Variants in ROBO2 observed in about 807,000 individuals in gnomAD.
ROBO2 encodes roundabout homolog 2.
ROBO2 carries 53 observed loss-of-function variants against 160.8 expected under a neutral mutation model. The observed-to-expected ratio is 0.33, with a 90% CI of 0.26 to 0.41. ROBO2 has a LOEUF of 0.41. ROBO2 is among the 10% of genes least tolerant of loss of function. The pLI, the probability that ROBO2 is intolerant of heterozygous loss-of-function variation, is 1.00. For missense variants in ROBO2, 1,577 were observed against 1,722.4 expected (o/e 0.92, Z 1.49); for synonymous variants, 664 against 611.7 (o/e 1.09, Z -1.26).
intron 2 of ROBO2, among the ~76,000 whole-genome samples, chr3:76,752,277 G>A (rs1027367427): frequency 4.7e-4 from 72 of 151,702 alleles, no homozygotes; most frequent in African/African-American, 1.6e-3. Context: ...ATCACACACC[G>A]GGGCCTGTAG....
intron 2 of ROBO2, among the ~76,000 whole-genome samples, chr3:76,962,467 C>G (rs1001193704): frequency 1.3e-5 from 2 of 151,696 alleles, no homozygotes; most frequent in Admixed American, 6.6e-5. Flanking sequence ...GGAGAAAGCC[C>G]GTTTCTACTA....
At chr3:76,202,029 T>C (rs1166059320) in intron 2 of ROBO2, among the ~76,000 whole-genome samples, 3 of 151,142 alleles carry the variant, frequency 2.0e-5, no homozygotes, top group African/African-American at 4.9e-5. Context: ...ATGGAACAAA[T>C]AGGGAAGCAC....
intron 5 of ROBO2, among the ~76,000 whole-genome samples, chr3:77,509,676 A>T (rs959671970): frequency 1.3e-5 from 2 of 152,038 alleles, no homozygotes; most frequent in African/African-American, 4.8e-5. Flanking sequence ...CAGTGTCTCC[A>T]TTGTGCACAC....
chr3:76,452,872 G>A (rs1209817978), intron 2 of ROBO2, among the ~76,000 whole-genome samples: 4 of 151,558 alleles, frequency 2.6e-5, no homozygotes, highest in East Asian at 1.9e-4. Context: ...CCATTCTAAC[G>A]GGTGTGAGAT....
chr3:77,215,144 A>G (rs940126829), intron 2 of ROBO2, among the ~76,000 whole-genome samples: 26 of 152,166 alleles, frequency 1.7e-4, no homozygotes, highest in African/African-American at 5.5e-4. Flanking sequence ...TGGGTTGGGG[A>G]AGTTCTCCTG....
intron 2 of ROBO2, among the ~76,000 whole-genome samples, chr3:77,152,233 C>A (rs1044804607): frequency 6.6e-6 from 1 of 151,892 alleles, no homozygotes; most frequent in African/African-American, 2.4e-5. Flanking sequence ...AACGGAAGTA[C>A]AATGTAAGCC....
intron 5 of ROBO2, among the ~76,000 whole-genome samples, chr3:77,512,744 T>C (rs1349908840): frequency 1.3e-5 from 2 of 151,922 alleles, no homozygotes; most frequent in African/African-American, 4.8e-5. Flanking sequence ...GTCTGAAAGG[T>C]ATAGGTTGAC....
At chr3:77,503,341 C>T (rs2153609324) in intron 5 of ROBO2, among the ~76,000 whole-genome samples, 1 of 151,238 alleles carries the variant, frequency 6.6e-6, no homozygotes, top group Non-Finnish European at 1.5e-5. Flanking sequence ...CTGACTAACA[C>T]GGTGAAACCC....
chr3:76,079,685 C>T (rs1169913493), intron 2 of ROBO2, among the ~76,000 whole-genome samples: 1 of 151,776 alleles, frequency 6.6e-6, no homozygotes, highest in Non-Finnish European at 1.5e-5. Flanking sequence ...GGGGTTTCAC[C>T]GTGTTGCCCA....
intron 2 of ROBO2, among the ~76,000 whole-genome samples, chr3:76,570,615 CATCT>C (rs2084897618): frequency 6.6e-6 from 1 of 152,100 alleles, no homozygotes. Context: ...TGCAACTTTT[CATCT>C]ATTTGCTAAG....
intron 2 of ROBO2, among the ~76,000 whole-genome samples, chr3:76,215,594 A>C (rs1703462263): frequency 6.6e-6 from 1 of 152,166 alleles, no homozygotes; most frequent in Non-Finnish European, 1.5e-5. Flanking sequence ...ATGAAGCGTG[A>C]AGAGAAGTTT....
intron 2 of ROBO2, among the ~76,000 whole-genome samples, chr3:76,476,329 C>G (rs951227690): frequency 6.6e-6 from 1 of 152,084 alleles, no homozygotes; most frequent in Non-Finnish European, 1.5e-5. Context: ...GTGAATGATT[C>G]AGCTGTACTC....
chr3:76,048,953 C>G (rs914756974), intron 2 of ROBO2, among the ~76,000 whole-genome samples: 5 of 152,134 alleles, frequency 3.3e-5, no homozygotes, highest in African/African-American at 9.7e-5. Context: ...CTTGAGTATA[C>G]TTGAATAAGG....
At chr3:77,256,757 AAAAC>A (rs2058444775) in intron 2 of ROBO2, among the ~76,000 whole-genome samples, 2 of 152,306 alleles carry the variant, frequency 1.3e-5, no homozygotes, top group South Asian at 2.1e-4. Context: ...GAGGAACACC[AAAAC>A]AAACAAACTC....
chr3:77,019,861 G>A (rs138622205), intron 2 of ROBO2, among the ~76,000 whole-genome samples: 67 of 152,306 alleles, frequency 4.4e-4, no homozygotes, highest in African/African-American at 1.5e-3. Flanking sequence ...GCCTCTTGAA[G>A]TTAAAACTTT....
chr3:77,395,364 A>G (rs1360165563), intron 2 of ROBO2, among the ~76,000 whole-genome samples: 1 of 152,162 alleles, frequency 6.6e-6, no homozygotes, highest in Admixed American at 6.6e-5. Flanking sequence ...ATCCCCAAAC[A>G]GATGTTACTT....
At chr3:76,943,268 C>T (rs535829548) in intron 2 of ROBO2, among the ~76,000 whole-genome samples, 1 of 152,252 alleles carries the variant, frequency 6.6e-6, no homozygotes, top group Admixed American at 6.5e-5. Flanking sequence ...TTCCATGAGC[C>T]TCTGACCCCC....
chr3:76,133,383 C>CTACATGTATTAGTCTCTAGAGACTAA lies in ROBO2; in HGVS notation c.109+195797_109+195822dup, dbSNP rs530553373. 2.1e-3 allele frequency among the ~76,000 whole-genome samples: 325 copies of CTACATGTATTAGTCTCTAGAGACTAA among 151,894 alleles called. 2 individuals are homozygous for CTACATGTATTAGTCTCTAGAGACTAA. The highest frequency in any genetic ancestry group is 5.8e-3 in the African/African-American group (240 of 41,398). On this transcript the variant is annotated intron_variant, in intron 2 of 26. Coordinates refer to the ROBO2 transcript ENST00000487694. ...ATATATTTTCTCTAGAAAAATAATA[C>CTACATGTATTAGTCTCTAGAGACTAA]TACATGTATTAGTCTCTAGAGACTA... is the stretch of plus-strand genomic sequence containing the variant.
chr3:76,286,117 A>T (rs746640746), intron 2 of ROBO2, among the ~76,000 whole-genome samples: 24 of 152,308 alleles, frequency 1.6e-4, no homozygotes, highest in Middle Eastern at 6.8e-3. Flanking sequence ...ATGTAAAAAG[A>T]TATGTGAATT....
Sources: allele counts gnomAD v4.1 joint callset (sites outside exome capture counted in the v4.1 genomes callset), GRCh38; gene constraint gnomAD v4.1.1; transcripts MANE v1.5; gene names NCBI Gene and HGNC (gene_info 2026-07-23, HGNC 2026-07-21).